Variants in GPRIN3 observed in about 807,000 individuals in gnomAD.
The protein encoded by GPRIN3 is G protein-regulated inducer of neurite outgrowth 3.
Under a neutral mutation model 13.7 loss-of-function variants are expected in GPRIN3, and 12 were observed. The ratio of observed to expected loss-of-function variants is 0.87; its 90% CI spans 0.56 to 1.42. The LOEUF (loss-of-function observed/expected upper bound fraction) is 1.42. Ranked by LOEUF, GPRIN3 falls within the 40% of genes most tolerant of loss-of-function variation. The pLI is 0.00. For synonymous variants in GPRIN3, 377 were observed against 372.7 expected (o/e 1.01, Z -0.13); for missense variants, 1,009 against 958.7 (o/e 1.05, Z -0.69).
intron 1 of GPRIN3, among the ~76,000 whole-genome samples, chr4:89,260,539 A>G (rs554499433): frequency 6.6e-6 from 1 of 152,346 alleles, no homozygotes; most frequent in South Asian, 2.1e-4. Context: ...TTAAGGAAAT[A>G]TCAATCCTTT....
intron 1 of GPRIN3, among the ~76,000 whole-genome samples, chr4:89,299,478 A>G (rs1389564604): frequency 2.0e-5 from 3 of 152,182 alleles, no homozygotes; most frequent in South Asian, 2.1e-4. Flanking sequence ...CCTACCGAAG[A>G]GATCTGTCTG....
At chr4:89,286,691 T>A (rs918551796) in intron 1 of GPRIN3, among the ~76,000 whole-genome samples, 3 of 152,184 alleles carry the variant, frequency 2.0e-5, no homozygotes, top group African/African-American at 7.2e-5. Flanking sequence ...CAATTACTGA[T>A]AGGGAAGATA....
intron 1 of GPRIN3, among the ~76,000 whole-genome samples, chr4:89,292,544 G>A (rs985441270): frequency 1.6e-4 from 24 of 152,146 alleles, no homozygotes; most frequent in African/African-American, 5.3e-4. Flanking sequence ...CATACTATTT[G>A]TCAAGTGAGT....
In GPRIN3 at chr4:89,243,780, A is replaced by G. The variant is rs1209489223; in HGVS notation, c.*4000T>C. On this transcript the variant is annotated 3_prime_UTR_variant, in exon 2 of 2. Coordinates refer to ENST00000609438, the MANE Select transcript of GPRIN3 (RefSeq NM_198281.3). ...ACAAGGCTACAAGTGCCCAGTTTTCAATAAAAACACATATACATATATGCA... is the reference window on the plus strand; with the variant it reads ...ACAAGGCTACAAGTGCCCAGTTTTCGATAAAAACACATATACATATATGCA... 6.6e-6 allele frequency: 1 copy of G among 152,234 alleles called. No homozygotes were observed. Among genetic ancestry groups the G allele is most frequent in the Non-Finnish European group, 1.5e-5 (1 of 68,034 alleles). The allele number at this position is 152,234 out of a possible 1,614,324, so 9.4% of individuals were successfully genotyped here.
rs1722951932 is a variant in GPRIN3 at position 89,241,739 on chromosome 4, T to C, written c.*6041A>G. 1 of 152,148 alleles carries C rather than the reference T, an allele frequency of 6.6e-6. No homozygotes were observed. Among genetic ancestry groups the C allele is most frequent in the Non-Finnish European group, 1.5e-5 (1 of 67,986 alleles). The allele number at this position is 152,148 out of a possible 1,614,324, so 9.4% of individuals were successfully genotyped here. A position where few individuals can be genotyped will look rare whatever the true frequency, so the allele number is the denominator to read the frequency against. ...AGTTACGTAAAGATGTGATCTAAAATAAATGTTAAGGAATCTCAACTAAAA... is the reference window on the plus strand; with the variant it reads ...AGTTACGTAAAGATGTGATCTAAAACAAATGTTAAGGAATCTCAACTAAAA... On this transcript the variant is annotated 3_prime_UTR_variant, in exon 2 of 2. Transcript: ENST00000609438.
chr4:89,303,147 G>A (rs1479730346), intron 1 of GPRIN3, among the ~76,000 whole-genome samples: 1 of 152,096 alleles, frequency 6.6e-6, no homozygotes, highest in African/African-American at 2.4e-5. Context: ...AAATTTTCTA[G>A]AAATGCATAC....
At chr4:89,282,948 C>T (rs990415393) in intron 1 of GPRIN3, among the ~76,000 whole-genome samples, 12 of 152,054 alleles carry the variant, frequency 7.9e-5, no homozygotes, top group African/African-American at 1.7e-4. Flanking sequence ...GCCACACATG[C>T]GATTATGTTA....
intron 1 of GPRIN3, among the ~76,000 whole-genome samples, chr4:89,281,966 T>G (rs1724264182): frequency 2.6e-5 from 4 of 151,400 alleles, no homozygotes; most frequent in Admixed American, 6.6e-5. Context: ...AGTCATCTTT[T>G]TTTTTTTTTT....
At chr4:89,274,493 G>A (rs574686135) in intron 1 of GPRIN3, among the ~76,000 whole-genome samples, 19 of 152,184 alleles carry the variant, frequency 1.2e-4, no homozygotes, top group Non-Finnish European at 1.8e-4. Flanking sequence ...ATATTTGCAC[G>A]GACTGGACAA....
chr4:89,274,997 G>T (rs1724053257), intron 1 of GPRIN3, among the ~76,000 whole-genome samples: 2 of 152,166 alleles, frequency 1.3e-5, no homozygotes. Context: ...GGCTTGGATG[G>T]CTGGTGTTTG....
Position 89,248,415 on chromosome 4 carries a change from G to T in GPRIN3, c.1696C>A (p.Pro566Thr), listed in dbSNP as rs1461407091. The change falls in exon 2 of 2, where the codon CCT (proline) becomes ACT (threonine). Residue 566 changes from proline (P) to threonine (T), a missense_variant. Pro to Thr is a conservative substitution (Grantham distance 38). Coordinates refer to ENST00000609438, the MANE Select transcript of GPRIN3 (RefSeq NM_198281.3). ...TSDAKTLLLNPKSQESGGTES... is the reference protein window; with the variant it reads ...TSDAKTLLLNTKSQESGGTES... ...GTGCCTCCACTTTCTTGGGATTTAG[G>T]ATTGAGCAGTAGGGTTTTGGCATCC... 8.7e-6 allele frequency: 14 copies of T among 1,613,994 alleles called. No homozygotes were observed. The highest frequency in any genetic ancestry group is 1.2e-5 in the Non-Finnish European group (14 of 1,180,028).
At chr4:89,265,284 A>G (rs967206842) in intron 1 of GPRIN3, among the ~76,000 whole-genome samples, 1 of 152,322 alleles carries the variant, frequency 6.6e-6, no homozygotes, top group Admixed American at 6.5e-5. Flanking sequence ...GCTAATTTAA[A>G]TAATAAATTC....
At chr4:89,303,770 TA>T (rs965277041) in intron 1 of GPRIN3, among the ~76,000 whole-genome samples, 9 of 149,116 alleles carry the variant, frequency 6.0e-5, no homozygotes, top group Non-Finnish European at 8.9e-5. Flanking sequence ...TATTTATATA[TA>T]AAAAATATAA....
intron 1 of GPRIN3, among the ~76,000 whole-genome samples, chr4:89,270,577 A>C (rs1311891494): frequency 1.0e-5 from 1 of 99,168 alleles, no homozygotes; most frequent in African/African-American, 6.0e-5. Context: ...ATATATATAT[A>C]TATATATATA....
chr4:89,301,517 T>C (rs2110028015), intron 1 of GPRIN3, among the ~76,000 whole-genome samples: 1 of 152,254 alleles, frequency 6.6e-6, no homozygotes, highest in African/African-American at 2.4e-5. Flanking sequence ...AACACTTCAC[T>C]CCCTCAGGCA....
At position 89,250,004 on chromosome 4, in the gene GPRIN3, C is replaced by T. The variant is rs865984792; in HGVS notation, c.107G>A (p.Arg36Gln). 9 of 1,614,154 alleles carry T rather than the reference C, an allele frequency of 5.6e-6. No homozygotes were observed. The highest frequency in any genetic ancestry group is 1.3e-5 in the African/African-American group (1 of 75,042). ...GEPQAASPRHRPALLCKNANG... is the reference protein window; with the variant it reads ...GEPQAASPRHQPALLCKNANG... The stretch of plus-strand genomic sequence containing the variant: ...GGCATTCTTACACAGGAGAGCTGGT[C>T]GATGCCGAGGTGAGGCAGCCTGTGG... The change falls in exon 2 of 2, where the codon CGA (arginine) becomes CAA (glutamine). Residue 36 changes from arginine (R) to glutamine (Q), a missense_variant. Transcript: ENST00000609438.
Position 89,250,033 on chromosome 4 carries a change from T to C in GPRIN3, c.78A>G (p.Gly26=), listed in dbSNP as rs752788382. Residue 26 remains glycine (G), a synonymous_variant, in exon 2 of 2, where the codon GGA becomes GGG. Coordinates refer to ENST00000609438, the MANE Select transcript of GPRIN3 (RefSeq NM_198281.3). ...IAASGKEDDL[G]EPQAASPRHR... The stretch of plus-strand genomic sequence containing the variant: ...GCCGAGGTGAGGCAGCCTGTGGCTC[T>C]CCTAGATCGTCTTCTTTTCCGGAAG... 8 of 1,614,104 alleles carry C rather than the reference T, an allele frequency of 5.0e-6. No homozygotes were observed. The Admixed American group carries it at 1.3e-4, about 27-fold the overall frequency.
intron 1 of GPRIN3, among the ~76,000 whole-genome samples, chr4:89,267,970 C>A (rs570950839): frequency 6.6e-6 from 1 of 151,972 alleles, no homozygotes; most frequent in South Asian, 2.1e-4. Context: ...TATCAGATTG[C>A]GTGATATTTG....
At chr4:89,265,903 A>G (rs1041368060) in intron 1 of GPRIN3, among the ~76,000 whole-genome samples, 1 of 152,332 alleles carries the variant, frequency 6.6e-6, no homozygotes, top group Non-Finnish European at 1.5e-5. Context: ...AGATATGACA[A>G]TTTTTAAACT....
Sources: gnomAD v4.1 joint callset for allele counts (sites outside exome capture counted in the v4.1 genomes callset) on GRCh38, gnomAD v4.1.1 for gene constraint, MANE v1.5 for transcripts, NCBI Gene and HGNC (gene_info 2026-07-23, HGNC 2026-07-21) for gene names.